The following DPP10 variants were observed in gnomAD, a reference collection of about 807,000 sequenced individuals.
DPP10 encodes the protein dipeptidyl peptidase like 10, also known as inactive dipeptidyl peptidase 10.
Under a neutral mutation model 120.9 loss-of-function variants are expected in DPP10, and 33 were observed. The observed-to-expected ratio is 0.27, with a 90% CI of 0.21 to 0.37. The LOEUF (loss-of-function observed/expected upper bound fraction) is 0.37, where lower values mean the gene tolerates loss of function less well. Ranked by LOEUF, DPP10 falls within the 10% of genes least tolerant of loss-of-function variation. DPP10 has a pLI of 1.00. For missense variants in DPP10, 816 were observed against 942.8 expected (o/e 0.87, Z 1.76); for synonymous variants, 337 against 326.1 (o/e 1.03, Z -0.36).
At chr2:114,823,244 C>T (rs571748964) in intron 1 of DPP10, among the ~76,000 whole-genome samples, 1 of 152,180 alleles carries the variant, frequency 6.6e-6, no homozygotes, top group South Asian at 2.1e-4. Context: ...TGCAGGGAGG[C>T]AGAAAAGAGA....
At chr2:114,805,419 T>C (rs1427177750) in intron 1 of DPP10, among the ~76,000 whole-genome samples, 1 of 152,166 alleles carries the variant, frequency 6.6e-6, no homozygotes, top group Non-Finnish European at 1.5e-5. Flanking sequence ...CTGTGAACTT[T>C]GGGGCAATGG....
At chr2:115,082,046 T>C (rs1403661999) in intron 1 of DPP10, among the ~76,000 whole-genome samples, 1 of 152,208 alleles carries the variant, frequency 6.6e-6, no homozygotes, top group East Asian at 1.9e-4. Context: ...CTTATTGTCT[T>C]GTTGTCTGTG....
At chr2:115,687,981 G>T (rs1338516030) in intron 5 of DPP10, among the ~76,000 whole-genome samples, 1 of 151,888 alleles carries the variant, frequency 6.6e-6, no homozygotes, top group African/African-American at 2.4e-5. Flanking sequence ...TGAAGACCAA[G>T]AACTCACTTG....
rs778883811 is a variant in DPP10 at position 115,836,638 on chromosome 2, A to C, written c.2110-36A>C. On this transcript the variant is annotated intron_variant, in intron 23 of 25. Coordinates refer to ENST00000410059, the MANE Select transcript of DPP10 (RefSeq NM_020868.6). ...AAAATTAGTTAAATGGCTTATTTAG[A>C]TCTATAGATACAGATATTTGTATTT... The C allele has an allele frequency of 1.4e-5, 23 of 1,610,286 alleles. No individual in the cohort carries two copies. In the Middle Eastern group the frequency reaches 5.0e-4, roughly 35 times the overall value.
At chr2:114,991,391 T>C (rs919831643) in intron 1 of DPP10, among the ~76,000 whole-genome samples, 2 of 152,150 alleles carry the variant, frequency 1.3e-5, no homozygotes, top group African/African-American at 4.8e-5. Context: ...TAACCAGAAT[T>C]GTTCACAGGT....
intron 17 of DPP10, 85 bp from the exon 18 acceptor site, chr2:115,790,996 C>A: frequency 2.2e-6 from 2 of 904,756 alleles, no homozygotes; most frequent in South Asian, 1.6e-5. Flanking sequence ...CAAATGGTAA[C>A]AAGTGGATAA....
At chr2:114,572,023 T>C (rs1689697858) in intron 1 of DPP10, among the ~76,000 whole-genome samples, 1 of 150,136 alleles carries the variant, frequency 6.7e-6, no homozygotes, top group African/African-American at 2.4e-5. Context: ...ATTGTGTATA[T>C]GTAGTACATA....
In DPP10 at chr2:114,663,281, T is replaced by C. The variant is rs528689245; in HGVS notation, c.60+220443T>C. Among the ~76,000 whole-genome samples, 8 of 146,984 alleles carry C rather than the reference T, an allele frequency of 5.4e-5. 1 individual carries two copies. In the South Asian group the frequency reaches 1.7e-3, roughly 32 times the overall value. ...ATATCTATATATATATACACACACATATATGTATACATATACATATATACA... is the reference window on the plus strand; with the variant it reads ...ATATCTATATATATATACACACACACATATGTATACATATACATATATACA... On this transcript the variant is annotated intron_variant, in intron 1 of 25. Transcript: ENST00000410059.
chr2:114,926,914 G>A (rs1163626830), intron 1 of DPP10, among the ~76,000 whole-genome samples: 4 of 149,316 alleles, frequency 2.7e-5, no homozygotes, highest in African/African-American at 7.4e-5. Context: ...GCAGTGGTGC[G>A]ATCTCGGCTC....
At chr2:115,215,680 C>T (rs922219341) in intron 1 of DPP10, among the ~76,000 whole-genome samples, 1 of 151,778 alleles carries the variant, frequency 6.6e-6, no homozygotes. Flanking sequence ...TTAATACAAC[C>T]CCTATTGAAA....
intron 3 of DPP10, among the ~76,000 whole-genome samples, chr2:115,368,724 T>A (rs1170261382): frequency 6.6e-6 from 1 of 151,820 alleles, no homozygotes; most frequent in Non-Finnish European, 1.5e-5. Context: ...TGCATGTTAT[T>A]ATGAATTTTT....
chr2:114,450,939 C>G (rs1678236532), intron 1 of DPP10, among the ~76,000 whole-genome samples: 1 of 152,054 alleles, frequency 6.6e-6, no homozygotes, highest in African/African-American at 2.4e-5. Context: ...ACCTTAATTT[C>G]CAAGATGAAT....
chr2:114,481,357 C>T (rs1450346223), intron 1 of DPP10, among the ~76,000 whole-genome samples: 1 of 151,832 alleles, frequency 6.6e-6, no homozygotes, highest in South Asian at 2.1e-4. Context: ...CAAATTAAAA[C>T]CACAATAAAA....
chr2:114,910,691 C>T (rs375743920), intron 1 of DPP10, among the ~76,000 whole-genome samples: 1 of 151,904 alleles, frequency 6.6e-6, no homozygotes, highest in Non-Finnish European at 1.5e-5. Flanking sequence ...TGAAAATTCC[C>T]AAAAGTTTTG....
intron 1 of DPP10, among the ~76,000 whole-genome samples, chr2:114,794,233 T>G (rs12711806): frequency 6.6e-6 from 1 of 152,138 alleles, no homozygotes; most frequent in African/African-American, 2.4e-5. Flanking sequence ...TGGTCCAGTC[T>G]CTGAGCCTCC....
intron 1 of DPP10, among the ~76,000 whole-genome samples, chr2:115,282,210 A>G (rs2060187988): frequency 6.6e-6 from 1 of 152,098 alleles, no homozygotes; most frequent in Non-Finnish European, 1.5e-5. Context: ...AATGAACAAT[A>G]TTAGATAATA....
chr2:114,670,031 A>G (rs1698210811), intron 1 of DPP10, among the ~76,000 whole-genome samples: 1 of 152,124 alleles, frequency 6.6e-6, no homozygotes, highest in Non-Finnish European at 1.5e-5. Flanking sequence ...CAGGTGCTGG[A>G]GAGGATGTGG....
chr2:115,448,330 CA>C (rs1409741014), intron 3 of DPP10, among the ~76,000 whole-genome samples: 1 of 152,150 alleles, frequency 6.6e-6, no homozygotes, highest in African/African-American at 2.4e-5. Context: ...CAATTAAAAA[CA>C]GGCTAATGAC....
chr2:114,859,049 A>C (rs1689593543), intron 1 of DPP10, among the ~76,000 whole-genome samples: 1 of 152,130 alleles, frequency 6.6e-6, no homozygotes, highest in East Asian at 1.9e-4. Context: ...ATTATTGGCC[A>C]GACGCGGTGG....
Sources: allele counts gnomAD v4.1 joint callset (sites outside exome capture counted in the v4.1 genomes callset), GRCh38; gene constraint gnomAD v4.1.1; transcripts MANE v1.5; gene names NCBI Gene and HGNC (gene_info 2026-07-23, HGNC 2026-07-21).